ZZEF1: variants seen among roughly 807,000 people sequenced by gnomAD.
ZZEF1 encodes zinc finger ZZ-type and EF-hand domain containing 1, also known as zinc finger ZZ-type and EF-hand domain-containing protein 1.
In ZZEF1, 157 loss-of-function variants were observed where a neutral mutation model predicts 342.8. That is an observed-to-expected ratio of 0.46 (90% CI 0.40 to 0.52). The LOEUF is 0.52. ZZEF1 is among the 20% of genes least tolerant of loss of function. The pLI is 0.00. For synonymous variants in ZZEF1, 1,505 were observed against 1,429.1 expected, an observed-to-expected ratio of 1.05 and a Z score of -1.20; for missense variants, 3,480 against 3,725.6, an observed-to-expected ratio of 0.93 and a Z score of 1.72.
At position 4,054,190 on chromosome 17, in the gene ZZEF1, G is replaced by A; in HGVS notation, c.5301C>T (p.His1767=). 1 of 1,611,496 alleles carries A rather than the reference G, an allele frequency of 6.2e-7. No homozygotes were observed. The highest frequency in any genetic ancestry group is 8.5e-7 in the Non-Finnish European group (1 of 1,178,916). The change falls in exon 34 of 55, where the codon CAC becomes CAT. Residue 1767 remains histidine, a synonymous_variant. Transcript: ENST00000381638. The part of the protein sequence containing the change: ...QEDPEKQRKM[H]MFIARYCDLL... ...GGTCACAGTAGCGAGCAATGAACAT[G>A]TGCATCTGTAAGGCCAAACATATAC...
Position 4,124,023 on chromosome 17 carries a change from T to G in ZZEF1, c.383A>C (p.Asp128Ala). 3.1e-6 allele frequency: 5 copies of G among 1,613,684 alleles called. No individual in the cohort carries two copies. The highest frequency in any genetic ancestry group is 4.2e-6 in the Non-Finnish European group (5 of 1,179,846). The change falls in exon 2 of 55, where the codon GAT becomes GCT. Residue 128 changes from aspartate to alanine, a missense_variant. Asp to Ala is a moderately radical substitution (Grantham distance 126). This residue lies in a region of ZZEF1 where 416 missense variants were observed against 374.2 expected (regional missense o/e 1.11). Coordinates refer to ENST00000381638, the MANE Select transcript of ZZEF1 (RefSeq NM_015113.4). ...EAFAQFDAEG[D>A]GTVDAENMLE... ...CATGTTCTCGGCATCAACTGTCCCA[T>G]CACCCTCAGCATCAAACTGGGCAAA...
chr17:4,111,928 G>A (rs2145486041), intron 5 of ZZEF1, among the ~76,000 whole-genome samples: 1 of 144,386 alleles, frequency 6.9e-6, no homozygotes, highest in South Asian at 2.2e-4. Flanking sequence ...TCCAGCTACT[G>A]AGACTGAGGC....
At chr17:4,087,774 T>A (rs899390738) in intron 13 of ZZEF1, among the ~76,000 whole-genome samples, 1 of 134,658 alleles carries the variant, frequency 7.4e-6, no homozygotes, top group Non-Finnish European at 1.6e-5. Context: ...TATATAGATA[T>A]ATACACACAA....
chr17:4,142,724 C>G lies in ZZEF1; in HGVS notation c.172G>C (p.Glu58Gln). 1.9e-6 allele frequency: 3 copies of G among 1,561,392 alleles called. No homozygotes were observed. The highest frequency in any genetic ancestry group is 2.6e-6 in the Non-Finnish European group (3 of 1,159,088). The change falls in exon 1 of 55, where the codon GAG (glutamate) becomes CAG (glutamine). Residue 58 changes from glutamate (E) to glutamine (Q), a missense_variant. Transcript: ENST00000381638. ...AALLEPARLR[E>Q]AAAALLPTPP... is the part of the protein sequence containing the mutation. ...GTGGGCAGCAACGCTGCAGCAGCCTCTCGCAGCCTGGCCGGCTCCAGCAGC... is the reference window on the plus strand; with the variant it reads ...GTGGGCAGCAACGCTGCAGCAGCCTGTCGCAGCCTGGCCGGCTCCAGCAGC...
chr17:4,070,482 G>A (rs548376115), intron 26 of ZZEF1, among the ~76,000 whole-genome samples: 2 of 152,250 alleles, frequency 1.3e-5, no homozygotes, highest in Admixed American at 6.5e-5. Flanking sequence ...GCAACTCAAG[G>A]TTAGGTGCCA....
intron 9 of ZZEF1, among the ~76,000 whole-genome samples, chr17:4,099,850 T>A (rs191070505): frequency 1.4e-4 from 21 of 152,208 alleles, no homozygotes; most frequent in Admixed American, 3.9e-4. Flanking sequence ...CCAGCTGAAC[T>A]GTGATATTTT....
chr17:4,139,524 T>C (rs994003970), intron 1 of ZZEF1, among the ~76,000 whole-genome samples: 10 of 152,226 alleles, frequency 6.6e-5, no homozygotes, highest in African/African-American at 2.2e-4. Context: ...AGCTTAGACG[T>C]AGATTAACAA....
chr17:4,022,911 A>C, intron 43 of ZZEF1, 83 bp from the exon 44 acceptor site: 5 of 1,533,518 alleles, frequency 3.3e-6, no homozygotes, highest in Non-Finnish European at 4.4e-6. Context: ...CTGTTCATTC[A>C]CTCTTTCATT....
intron 16 of ZZEF1, among the ~76,000 whole-genome samples, chr17:4,084,396 T>C (rs1419306604): frequency 2.6e-5 from 4 of 152,196 alleles, no homozygotes; most frequent in Admixed American, 6.5e-5. Flanking sequence ...TTTGTTTATA[T>C]GTTGTTGCAC....
chr17:4,011,651 A>T, intron 52 of ZZEF1, among the ~76,000 whole-genome samples: 1 of 152,178 alleles, frequency 6.6e-6, no homozygotes, highest in Middle Eastern at 3.4e-3. Flanking sequence ...AATATTCTAG[A>T]ACTTGTTATA....
intron 37 of ZZEF1, among the ~76,000 whole-genome samples, chr17:4,046,378 G>C (rs1388813876): frequency 6.6e-6 from 1 of 152,200 alleles, no homozygotes; most frequent in East Asian, 1.9e-4. Context: ...TTGTCACACA[G>C]GCTTATGTGT....
intron 5 of ZZEF1, among the ~76,000 whole-genome samples, chr17:4,112,036 ATATATAT>A (rs2058313238): frequency 3.8e-4 from 1 of 2,610 alleles, no homozygotes; most frequent in East Asian, 0.012. Flanking sequence ...CTGTCTAAAT[ATATATAT>A]ATATATATAT....
rs2056036074 is a variant in ZZEF1 at position 4,014,060 on chromosome 17, T to C, written c.8413+30A>G. The stretch of plus-strand genomic sequence containing the variant: ...CCATGGAGTGTCCCTGGCAGGCAGA[T>C]GGTGTGAACGCAAAGCCCAGAGCAC... On this transcript the variant is annotated intron_variant, in intron 51 of 54. Transcript: ENST00000381638. This position sits in a 1 kb window ranked among gnomAD's most constrained non-coding sequence, Gnocchi z 4.4. 4 of 1,599,466 alleles carry C rather than the reference T, an allele frequency of 2.5e-6. No homozygotes were observed. Among genetic ancestry groups the C allele is most frequent in the East Asian group, 2.2e-5 (1 of 44,804 alleles).
At chr17:4,130,324 G>A (rs1263114492) in intron 1 of ZZEF1, among the ~76,000 whole-genome samples, 8 of 151,974 alleles carry the variant, frequency 5.3e-5, no homozygotes, top group African/African-American at 1.9e-4. Context: ...GTGGTGGTGG[G>A]TACCTGTAGT....
intron 1 of ZZEF1, among the ~76,000 whole-genome samples, chr17:4,136,665 G>A (rs1165085813): frequency 2.0e-5 from 3 of 152,110 alleles, no homozygotes; most frequent in Non-Finnish European, 4.4e-5. Context: ...CACCCGTCCA[G>A]GTTGCTATGA....
At chr17:4,021,081 C>T in intron 45 of ZZEF1, 48 bp downstream of exon 45, 1 of 1,529,762 alleles carries the variant, frequency 6.5e-7, no homozygotes, top group Non-Finnish European at 8.8e-7. Flanking sequence ...AAAGAGAAGC[C>T]ATCCCTCAGA....
In ZZEF1 at chr17:4,081,299, G is replaced by A. The variant is rs59238798; in HGVS notation, c.2829+77C>T. 3.4e-6 allele frequency: 4 copies of A among 1,177,656 alleles called. No homozygotes were observed. The East Asian group carries it at 7.0e-5, about 21-fold the overall frequency. 73.0% of individuals were successfully genotyped at this position (1,177,656 alleles called of 1,614,324 possible). ...ACATTCATACTGCAAAGAGGCAAAG[G>A]GGGGCACAAGAGACTGCCACATCAC... On this transcript the variant is annotated intron_variant, in intron 18 of 54. Transcript: ENST00000381638.
intron 54 of ZZEF1, among the ~76,000 whole-genome samples, chr17:4,007,302 G>T (rs916116602): frequency 6.6e-6 from 1 of 152,244 alleles, no homozygotes; most frequent in Non-Finnish European, 1.5e-5. Flanking sequence ...CACAGGAAAC[G>T]AACAGCCAGT....
chr17:4,100,158 G>A (rs1226534198), intron 9 of ZZEF1, among the ~76,000 whole-genome samples: 3 of 152,176 alleles, frequency 2.0e-5, no homozygotes, highest in Non-Finnish European at 2.9e-5. Context: ...GTGTACCCAT[G>A]AGAAGAGCTT....
Sources: gnomAD v4.1 joint callset for allele counts (sites outside exome capture counted in the v4.1 genomes callset) on GRCh38, gnomAD v4.1.1 for gene constraint, gnomAD v4.1.1 regional missense constraint, Gnocchi (gnomAD v3.1) non-coding constraint, MANE v1.5 for transcripts, NCBI Gene and HGNC (gene_info 2026-07-23, HGNC 2026-07-21) for gene names.